The following PUM2 variants were observed in gnomAD, a reference collection of about 807,000 sequenced individuals.
PUM2 encodes pumilio homolog 2.
In PUM2, 57 loss-of-function variants were observed where a neutral mutation model predicts 124.5. The ratio of observed to expected loss-of-function variants is 0.46; its 90% CI spans 0.37 to 0.57. The LOEUF (loss-of-function observed/expected upper bound fraction) is 0.57. Ranked by LOEUF, PUM2 falls within the 20% of genes least tolerant of loss-of-function variation. PUM2 has a pLI of 0.00. For missense variants in PUM2, 1,065 were observed against 1,290.6 expected, an observed-to-expected ratio of 0.83 and a Z score of 2.68; for synonymous variants, 460 against 446.1, an observed-to-expected ratio of 1.03 and a Z score of -0.39.
At chr2:20,312,572 C>T (rs567596194) in intron 3 of PUM2, 149 bp from the exon 4 acceptor site, 390 of 741,326 alleles carry the variant, frequency 5.3e-4, no homozygotes, top group Non-Finnish European at 6.8e-4. Flanking sequence ...CTTCATAGGA[C>T]ACAAACAAAT....
At chr2:20,264,114 G>A (rs1032678666) in intron 13 of PUM2, among the ~76,000 whole-genome samples, 4 of 151,102 alleles carry the variant, frequency 2.6e-5, no homozygotes, top group South Asian at 2.1e-4. Context: ...CGAGGAGGGC[G>A]GATCACGAGG....
chr2:20,291,709 G>A (rs1353256388), intron 9 of PUM2, among the ~76,000 whole-genome samples: 4 of 151,796 alleles, frequency 2.6e-5, no homozygotes. Flanking sequence ...TGTTTTAACT[G>A]CTGTATCCTT....
intron 13 of PUM2, among the ~76,000 whole-genome samples, chr2:20,273,622 C>T (rs1669528370): frequency 1.3e-5 from 2 of 152,148 alleles, no homozygotes; most frequent in Non-Finnish European, 2.9e-5. Context: ...TTCTTCAAAA[C>T]ATTATTTCCT....
At chr2:20,267,606 T>G (rs908476252) in intron 13 of PUM2, among the ~76,000 whole-genome samples, 2 of 152,212 alleles carry the variant, frequency 1.3e-5, no homozygotes. Flanking sequence ...GTCTTTTCAT[T>G]TCGTCATTCA....
intron 1 of PUM2, among the ~76,000 whole-genome samples, chr2:20,336,200 T>G (rs966454899): frequency 6.6e-6 from 1 of 152,040 alleles, no homozygotes; most frequent in African/African-American, 2.4e-5. Flanking sequence ...TTTGTTTGTT[T>G]TTTTTTGAGG....
intron 2 of PUM2, chr2:20,326,281 A>G (rs1452366446): frequency 7.7e-7 from 1 of 1,303,814 alleles, no homozygotes; most frequent in Non-Finnish European, 1.0e-6. Context: ...GTCCTCTGAA[A>G]ATGACATACT....
intron 7 of PUM2, among the ~76,000 whole-genome samples, chr2:20,301,112 C>T (rs982045204): frequency 6.6e-6 from 1 of 152,200 alleles, no homozygotes; most frequent in Non-Finnish European, 1.5e-5. Flanking sequence ...ACTGATATCT[C>T]AAGTCTTCTT....
At chr2:20,254,842 A>G in intron 19 of PUM2, 21 bp downstream of exon 19, 2 of 1,609,188 alleles carry the variant, frequency 1.2e-6, no homozygotes, top group Non-Finnish European at 1.7e-6. Flanking sequence ...TGACCCTTAA[A>G]ATTACAAAGT....
chr2:20,286,680 C>T (rs1331036070), intron 10 of PUM2, among the ~76,000 whole-genome samples: 1 of 151,960 alleles, frequency 6.6e-6, no homozygotes, highest in Non-Finnish European at 1.5e-5. Context: ...TATTTGCTTC[C>T]TTCTACATTC....
chr2:20,351,586 A>G (rs868296828), upstream of PUM2, among the ~76,000 whole-genome samples: 57 of 152,178 alleles, frequency 3.7e-4, no homozygotes, highest in African/African-American at 1.3e-3. Context: ...TTTACAGGCT[A>G]GTTGGAAACT....
chr2:20,331,796 TGA>T (rs1558663923), intron 1 of PUM2: 1 of 152,214 alleles, frequency 6.6e-6, no homozygotes, highest in Non-Finnish European at 1.5e-5. Flanking sequence ...TGGATAATTT[TGA>T]GAGGTCTCTT....
intron 20 of PUM2, among the ~76,000 whole-genome samples, chr2:20,253,261 AC>A (rs1366002812): frequency 6.6e-6 from 1 of 152,210 alleles, no homozygotes; most frequent in African/African-American, 2.4e-5. Context: ...ACTGGAGTGC[AC>A]TGGCATGAAC....
At chr2:20,261,062 A>G (rs1339699078) in intron 14 of PUM2, among the ~76,000 whole-genome samples, 2 of 152,168 alleles carry the variant, frequency 1.3e-5, no homozygotes, top group Admixed American at 1.3e-4. Context: ...TCAGGTGTTC[A>G]TGATGACATA....
chr2:20,306,354 T>C (rs374973295), intron 7 of PUM2, among the ~76,000 whole-genome samples: 1 of 151,988 alleles, frequency 6.6e-6, no homozygotes, highest in East Asian at 1.9e-4. Context: ...AAAAAGCAAA[T>C]AAGCAAGAAC....
At chr2:20,312,492 A>G in intron 3 of PUM2, 69 bp from the exon 4 acceptor site, 1 of 1,359,178 alleles carries the variant, frequency 7.4e-7, no homozygotes, top group South Asian at 1.4e-5. Context: ...TTAAATTAAT[A>G]TACTGAAGTA....
rs116444504 is a variant in PUM2, at chr2:20,335,241, A to G, written c.-18-7863T>C. 2.6e-3 allele frequency among the ~76,000 whole-genome samples: 397 copies of G among 152,340 alleles called. 1 individual carries two copies. The highest frequency in any genetic ancestry group is 8.4e-3 in the African/African-American group (348 of 41,574). The stretch of plus-strand genomic sequence containing the variant: ...CACCCAGCTGGACTGATTTTAATGA[A>G]CATAATCATTGAACATCCGTGGTAT... On this transcript the variant is annotated intron_variant, in intron 1 of 20. Coordinates refer to ENST00000361078, the MANE Select transcript of PUM2 (RefSeq NM_015317.5).
Position 20,350,683 on chromosome 2 carries a change from C to T in PUM2, c.-105G>A. 1.0e-6 allele frequency: 1 copy of T among 984,848 alleles called. No individual in the cohort carries two copies. Among genetic ancestry groups the T allele is most frequent in the Non-Finnish European group, 1.2e-6 (1 of 829,474 alleles). 61.0% of individuals were successfully genotyped at this position (984,848 alleles called of 1,614,324 possible). A position where few individuals can be genotyped will look rare whatever the true frequency, so the allele number is the denominator to read the frequency against. On this transcript the variant is annotated 5_prime_UTR_variant, in exon 1 of 21. Transcript: ENST00000361078. Reference sequence around the variant, plus strand: ...CGCTCTTGGCGGTCCTCCCCCTCCTCCGCCTTCGGTGGCGGCAATGTCTTC... The same window carrying T: ...CGCTCTTGGCGGTCCTCCCCCTCCTTCGCCTTCGGTGGCGGCAATGTCTTC...
chr2:20,345,665 G>C (rs1688109813), intron 1 of PUM2, among the ~76,000 whole-genome samples: 1 of 152,112 alleles, frequency 6.6e-6, no homozygotes, highest in African/African-American at 2.4e-5. Flanking sequence ...CTTGAGGTCA[G>C]GAGTTCAAGA....
chr2:20,319,212 T>C (rs1254948972), intron 2 of PUM2, among the ~76,000 whole-genome samples: 1 of 152,248 alleles, frequency 6.6e-6, no homozygotes, highest in African/African-American at 2.4e-5. Context: ...TATCCTATAC[T>C]GTGACATGCA....
Sources: gnomAD v4.1 joint callset for allele counts (sites outside exome capture counted in the v4.1 genomes callset) on GRCh38, gnomAD v4.1.1 for gene constraint, MANE v1.5 for transcripts, NCBI Gene and HGNC (gene_info 2026-07-23, HGNC 2026-07-21) for gene names.